Variants in NEK9 observed in about 807,000 individuals in gnomAD.
NEK9 encodes serine/threonine-protein kinase Nek9.
In NEK9, 75 loss-of-function variants were observed where a neutral mutation model predicts 123.4. The observed-to-expected ratio is 0.61, with a 90% CI of 0.50 to 0.74. NEK9 has a LOEUF of 0.74. Ranked by LOEUF, NEK9 falls within the 30% of genes least tolerant of loss-of-function variation. The pLI is 0.00. For missense variants in NEK9, 952 were observed against 1,214.4 expected, an observed-to-expected ratio of 0.78 and a Z score of 3.21; for synonymous variants, 438 against 458.7, an observed-to-expected ratio of 0.95 and a Z score of 0.58.
chr14:75,110,351 G>A lies in NEK9; in HGVS notation c.959C>T (p.Thr320Ile). The A allele has an allele frequency of 2.5e-6, 4 of 1,613,312 alleles. No individual in the cohort carries two copies. Among genetic ancestry groups the A allele is most frequent in the African/African-American group, 2.7e-5 (2 of 75,022 alleles). The part of the protein sequence containing the change: ...KRRREMEEKV[T>I]LLNAPTKRPR... ...TCTCTTTGTAGGTGCATTAAGCAGAGTGACTTTTTCCTCCATCTCTCTACC... is the reference window on the plus strand; with the variant it reads ...TCTCTTTGTAGGTGCATTAAGCAGAATGACTTTTTCCTCCATCTCTCTACC... The change falls in exon 9 of 22, where the codon ACT (threonine) becomes ATT (isoleucine). Residue 320 changes from threonine (T) to isoleucine (I), a missense_variant. This residue lies in a region of NEK9 where 698 missense variants were observed against 875.6 expected (regional missense o/e 0.80). Transcript: ENST00000238616.
chr14:75,101,825 G>T, intron 14 of NEK9, 60 bp from the exon 15 acceptor site: 2 of 1,270,240 alleles, frequency 1.6e-6, no homozygotes, highest in Non-Finnish European at 2.3e-6. Flanking sequence ...GGAAAATCAG[G>T]CTGAGAATGG....
intron 17 of NEK9, among the ~76,000 whole-genome samples, chr14:75,095,749 G>T (rs1251991429): frequency 1.3e-5 from 2 of 152,184 alleles, no homozygotes; most frequent in East Asian, 1.9e-4. Context: ...AGCTAGCCAG[G>T]TGTGGTGGCA....
At chr14:75,094,463 CT>C (rs1258255093) in intron 18 of NEK9, among the ~76,000 whole-genome samples, 3 of 152,132 alleles carry the variant, frequency 2.0e-5, no homozygotes, top group Non-Finnish European at 2.9e-5. Context: ...CTTTAATCTG[CT>C]TTTATTCTGG....
rs771748777 is a variant in NEK9 at position 75,101,096 on chromosome 14, T to C, written c.1898A>G (p.Asn633Ser). The change falls in exon 16 of 22, where the codon AAC becomes AGC. Residue 633 changes from asparagine (N) to serine (S), a missense_variant. Around this residue, in one of 4 missense-constraint regions of NEK9, gnomAD observed 698 missense variants for 875.6 expected, o/e 0.80. Coordinates refer to ENST00000238616, the MANE Select transcript of NEK9 (RefSeq NM_033116.6). ...GTTGATTCCCAGACGCTTCTTGTAGTTCCCAACGCCCAGCTGCCCACACTT... is the reference window on the plus strand; with the variant it reads ...GTTGATTCCCAGACGCTTCTTGTAGCTCCCAACGCCCAGCTGCCCACACTT... ...CNKCGQLGVG[N>S]YKKRLGINLL... is the part of the protein sequence containing the mutation. 1.2e-6 allele frequency: 2 copies of C among 1,614,230 alleles called. No homozygotes were observed. The highest frequency in any genetic ancestry group is 2.2e-5 in the South Asian group (2 of 91,078).
intron 20 of NEK9, 62 bp downstream of exon 20, chr14:75,088,418 C>G: frequency 6.5e-7 from 1 of 1,540,992 alleles, no homozygotes; most frequent in Non-Finnish European, 8.9e-7. Context: ...GCCAGAAGAA[C>G]CAGGCAGAGC....
intron 21 of NEK9, 112 bp downstream of exon 21, chr14:75,086,906 A>G: frequency 4.3e-6 from 5 of 1,168,686 alleles, no homozygotes; most frequent in Non-Finnish European, 6.2e-6. Flanking sequence ...CTCCGTCTCA[A>G]AAAAAAAGTA....
intron 4 of NEK9, 33 bp from the exon 5 acceptor site, chr14:75,118,968 C>T: frequency 8.7e-7 from 1 of 1,154,382 alleles, no homozygotes; most frequent in Non-Finnish European, 1.3e-6. Context: ...ATTAAGTTCA[C>T]ACAGATAATT....
Position 75,105,907 on chromosome 14 carries a change from C to A in NEK9, c.1575+43G>T, listed in dbSNP as rs374096106. On this transcript the variant is annotated intron_variant, in intron 13 of 21. Coordinates refer to ENST00000238616, the MANE Select transcript of NEK9 (RefSeq NM_033116.6). Reference sequence around the variant, plus strand: ...AGAGGACATATTATTGGAGTCTGTGCGACTTAAGATAGGTTTTAGAAATAA... The same window carrying A: ...AGAGGACATATTATTGGAGTCTGTGAGACTTAAGATAGGTTTTAGAAATAA... 9 of 1,467,178 alleles carry A rather than the reference C, an allele frequency of 6.1e-6. No individual in the cohort carries two copies. The South Asian group carries it at 8.0e-5, about 13-fold the overall frequency. 90.9% of individuals were successfully genotyped at this position (1,467,178 alleles called of 1,614,324 possible).
In NEK9 at chr14:75,095,380, A is replaced by G; in HGVS notation, c.2225T>C (p.Ile742Thr). 2 of 1,612,428 alleles carry G rather than the reference A, an allele frequency of 1.2e-6. No homozygotes were observed. The highest frequency in any genetic ancestry group is 8.5e-7 in the Non-Finnish European group (1 of 1,178,940). The change falls in exon 18 of 22, where the codon ATT (isoleucine) becomes ACT (threonine). Residue 742 changes from isoleucine (I) to threonine (T), a missense_variant. Ile to Thr is a moderately conservative substitution (Grantham distance 89, BLOSUM62 -1). This residue lies in a region of NEK9 where 698 missense variants were observed against 875.6 expected (regional missense o/e 0.80). Coordinates refer to ENST00000238616, the MANE Select transcript of NEK9 (RefSeq NM_033116.6). ...TIRSNSSGLSIGTVFQSSSPG... is the reference protein window; with the variant it reads ...TIRSNSSGLSTGTVFQSSSPG... Reference sequence around the variant, plus strand: ...GAAACATTGGTACTTACCAGTTCCAATGGATAAGCCACTGCTATTGGAACG... The same window carrying G: ...GAAACATTGGTACTTACCAGTTCCAGTGGATAAGCCACTGCTATTGGAACG...
chr14:75,117,625 T>C (rs889868471), intron 5 of NEK9, among the ~76,000 whole-genome samples: 1 of 152,206 alleles, frequency 6.6e-6, no homozygotes, highest in Non-Finnish European at 1.5e-5. Context: ...CAAGGCCTAC[T>C]GAAGACTTTA....
intron 6 of NEK9, among the ~76,000 whole-genome samples, chr14:75,116,811 C>T (rs1273413843): frequency 2.0e-5 from 3 of 151,958 alleles, no homozygotes; most frequent in Non-Finnish European, 4.4e-5. Flanking sequence ...AGTGCAGTGG[C>T]ATGATCTTGG....
In NEK9 at chr14:75,091,438, G is replaced by A. The variant is rs376937236; in HGVS notation, c.2274C>T (p.Gly758=). 32 of 1,605,512 alleles carry A rather than the reference G, an allele frequency of 2.0e-5. No homozygotes were observed. Among genetic ancestry groups the A allele is most frequent in the Admixed American group, 5.0e-5 (3 of 59,420 alleles). Reference sequence around the variant, plus strand: ...GCTGACTGTCCTCTTCTTCACCACCGCCGCCCCCGCCGCCTCCTCCCGGGC... The same window carrying A: ...GCTGACTGTCCTCTTCTTCACCACCACCGCCCCCGCCGCCTCCTCCCGGGC... The part of the protein sequence containing the change: ...SSSPGGGGGG[G]GGEEEDSQQE... Residue 758 remains glycine, a synonymous_variant, in exon 19 of 22, where the codon GGC becomes GGT. Transcript: ENST00000238616.
chr14:75,102,592 TCCG>T (rs1448914509), intron 14 of NEK9, among the ~76,000 whole-genome samples: 1 of 151,928 alleles, frequency 6.6e-6, no homozygotes, highest in Admixed American at 6.6e-5. Flanking sequence ...GACCTCGTGA[TCCG>T]CCCGCCTCAG....
intron 6 of NEK9, 100 bp downstream of exon 6, chr14:75,117,095 T>C: frequency 7.4e-7 from 1 of 1,356,418 alleles, no homozygotes; most frequent in Non-Finnish European, 1.0e-6. Flanking sequence ...AGGTTATTTT[T>C]GCCAGAAATC....
At chr14:75,110,392 A>C (rs574673508) in intron 8 of NEK9, 21 bp from the exon 9 acceptor site, 1 of 1,597,264 alleles carries the variant, frequency 6.3e-7, no homozygotes, top group East Asian at 2.2e-5. Flanking sequence ...AAAAGCAAAG[A>C]TACATGAGTG....
intron 13 of NEK9, among the ~76,000 whole-genome samples, chr14:75,104,870 T>G (rs1566650010): frequency 6.6e-6 from 1 of 152,224 alleles, no homozygotes; most frequent in Non-Finnish European, 1.5e-5. Flanking sequence ...GACAGCACCC[T>G]CTCAGTTTGT....
intron 16 of NEK9, among the ~76,000 whole-genome samples, chr14:75,099,885 C>T (rs190654359): frequency 1.0e-3 from 152 of 151,538 alleles, no homozygotes; most frequent in African/African-American, 3.4e-3. Flanking sequence ...AATCCCAGCA[C>T]TCTGGCAGGC....
At chr14:75,092,263 C>T (rs1166272787) in intron 18 of NEK9, among the ~76,000 whole-genome samples, 1 of 129,884 alleles carries the variant, frequency 7.7e-6, no homozygotes, top group Non-Finnish European at 1.7e-5. Flanking sequence ...TGAGCCACTG[C>T]ACCCAGCAAT....
Position 75,079,693 on chromosome 14 carries a change from A to C in NEK9, c.*4871T>G, listed in dbSNP as rs2139693624. 6.6e-6 allele frequency: 1 copy of C among 152,350 alleles called. No homozygotes were observed. Among genetic ancestry groups the C allele is most frequent in the East Asian group, 1.9e-4 (1 of 5,186 alleles). The allele number at this position is 152,350 out of a possible 1,614,324, so 9.4% of individuals were successfully genotyped here. A position where few individuals can be genotyped will look rare whatever the true frequency, so the allele number is the denominator to read the frequency against. On this transcript the variant is annotated 3_prime_UTR_variant, in exon 22 of 22. Transcript: ENST00000238616. ...TCTCTTGAAAAACTGGAAGTTCTGGAAACACTGGGCCAGCAACCCGCATGG... is the reference window on the plus strand; with the variant it reads ...TCTCTTGAAAAACTGGAAGTTCTGGCAACACTGGGCCAGCAACCCGCATGG...
Sources: gnomAD v4.1 joint callset for allele counts (sites outside exome capture counted in the v4.1 genomes callset) on GRCh38, gnomAD v4.1.1 for gene constraint, gnomAD v4.1.1 regional missense constraint, MANE v1.5 for transcripts, NCBI Gene and HGNC (gene_info 2026-07-23, HGNC 2026-07-21) for gene names.